Variants in SLC8A3 observed in about 807,000 individuals in gnomAD.
SLC8A3 encodes the protein sodium/calcium exchanger 3.
Under a neutral mutation model 65.4 loss-of-function variants are expected in SLC8A3, and 37 were observed. That is an observed-to-expected ratio of 0.57 (90% CI 0.44 to 0.74). SLC8A3 has a LOEUF of 0.74. Among genes scored for constraint, SLC8A3 ranks in the 30% least tolerant of loss-of-function variants. The pLI is 0.00. For missense variants in SLC8A3, 1,112 were observed against 1,172.1 expected (o/e 0.95, Z 0.75); for synonymous variants, 461 against 444.5 (o/e 1.04, Z -0.47).
At chr14:70,095,471 C>T (rs959038836) in intron 2 of SLC8A3, among the ~76,000 whole-genome samples, 5 of 152,256 alleles carry the variant, frequency 3.3e-5, no homozygotes, top group Admixed American at 6.5e-5. Context: ...CTTACTTATG[C>T]TTTGAGCTGT....
In SLC8A3 at chr14:70,050,992, C is replaced by T. The variant is rs757495643; in HGVS notation, c.2113+16G>A. 2.5e-6 allele frequency: 4 copies of T among 1,571,450 alleles called. No homozygotes were observed. Among genetic ancestry groups the T allele is most frequent in the East Asian group, 4.5e-5 (2 of 44,640 alleles). On this transcript the variant is annotated intron_variant, in intron 5 of 6. Transcript: ENST00000356921. ...GCCTGCTTCTCCCAGCAAGGCCAGC[C>T]TGAGACACTTCTCACCTGCACTGAC... is the stretch of plus-strand genomic sequence containing the variant.
chr14:70,118,613 C>T (rs1163000391), intron 2 of SLC8A3, among the ~76,000 whole-genome samples: 1 of 152,240 alleles, frequency 6.6e-6, no homozygotes, highest in Non-Finnish European at 1.5e-5. Context: ...TAGATCTCCA[C>T]ATAAAATGAG....
At chr14:70,083,030 C>A (rs1891169310) in intron 2 of SLC8A3, among the ~76,000 whole-genome samples, 1 of 152,128 alleles carries the variant, frequency 6.6e-6, no homozygotes, top group South Asian at 2.1e-4. Flanking sequence ...TCACACCTCA[C>A]AATCTGAGCT....
chr14:70,159,450 T>A (rs1039217902), intron 2 of SLC8A3, among the ~76,000 whole-genome samples: 3 of 147,646 alleles, frequency 2.0e-5, no homozygotes, highest in African/African-American at 7.5e-5. Context: ...CACAAAACAC[T>A]AAGGAAACAT....
chr14:70,123,833 T>G (rs1894248598), intron 2 of SLC8A3, among the ~76,000 whole-genome samples: 1 of 149,298 alleles, frequency 6.7e-6, no homozygotes, highest in Non-Finnish European at 1.5e-5. Context: ...ATGACCTCCA[T>G]TTTTTCTGAC....
chr14:70,165,241 G>C (rs542178473), intron 2 of SLC8A3, among the ~76,000 whole-genome samples: 84 of 152,330 alleles, frequency 5.5e-4, no homozygotes, highest in African/African-American at 2.0e-3. Flanking sequence ...AGAAGGGATT[G>C]AGTAAGAACA....
chr14:70,174,657 T>TTTTG (rs1162637320), intron 1 of SLC8A3, among the ~76,000 whole-genome samples: 36 of 51,500 alleles, frequency 7.0e-4, no homozygotes, highest in African/African-American at 2.6e-3. Flanking sequence ...ATCCGTTTTT[T>TTTTG]TTTTGTTTTT....
At chr14:70,104,867 G>T (rs1262337390) in intron 2 of SLC8A3, among the ~76,000 whole-genome samples, 1 of 151,632 alleles carries the variant, frequency 6.6e-6, no homozygotes, top group Non-Finnish European at 1.5e-5. Flanking sequence ...CAAAATCAAT[G>T]ATCTCAGCTT....
At position 70,166,750 on chromosome 14, in the gene SLC8A3, G is replaced by A. The variant is rs1897184615; in HGVS notation, c.1673C>T (p.Ala558Val). ...AAAGGGGACGATGACTGTACCCCGGGCACCTGATGTCCGCAGAACCTTGAC... is the reference window on the plus strand; with the variant it reads ...AAAGGGGACGATGACTGTACCCCGGACACCTGATGTCCGCAGAACCTTGAC... ...MEVKVLRTSG[A>V]RGTVIVPFRT... The change falls in exon 2 of 7, where the codon GCC becomes GTC. Residue 558 changes from alanine to valine, a missense_variant. Physicochemically the swap from Ala to Val is moderately conservative, Grantham distance 64 (BLOSUM62 0). Coordinates refer to ENST00000356921, the MANE Select transcript of SLC8A3 (RefSeq NM_182932.3). The A allele has an allele frequency of 6.2e-7, 1 of 1,613,748 alleles. No individual in the cohort carries two copies. The highest frequency in any genetic ancestry group is 1.7e-5 in the Admixed American group (1 of 60,022).
intron 2 of SLC8A3, among the ~76,000 whole-genome samples, chr14:70,067,992 G>C (rs1465397410): frequency 6.6e-6 from 1 of 152,232 alleles, no homozygotes; most frequent in Non-Finnish European, 1.5e-5. Context: ...TGCCAAGGGA[G>C]GTGCCAATGC....
intron 1 of SLC8A3, among the ~76,000 whole-genome samples, chr14:70,174,322 C>A (rs1321548023): frequency 6.6e-6 from 1 of 152,198 alleles, no homozygotes; most frequent in Non-Finnish European, 1.5e-5. Flanking sequence ...TCCAGCCTCG[C>A]CTCAATGAGG....
At chr14:70,173,568 TC>T (rs1897681244) in intron 1 of SLC8A3, among the ~76,000 whole-genome samples, 1 of 152,172 alleles carries the variant, frequency 6.6e-6, no homozygotes, top group Non-Finnish European at 1.5e-5. Flanking sequence ...AAATTCTCCC[TC>T]CTGCTATGCC....
intron 1 of SLC8A3, among the ~76,000 whole-genome samples, chr14:70,184,533 T>C (rs1009148485): frequency 1.3e-5 from 2 of 152,180 alleles, no homozygotes; most frequent in African/African-American, 4.8e-5. Context: ...CTTTACTTCC[T>C]CTCCTCTTTT....
intron 2 of SLC8A3, among the ~76,000 whole-genome samples, chr14:70,098,308 A>T (rs4988790): frequency 7.2e-3 from 10 of 1,380 alleles, no homozygotes; most frequent in African/African-American, 0.016. Flanking sequence ...ACTTTTTTTT[A>T]AAAAAAACCC....
At chr14:70,064,214 C>A (rs1889150070) in intron 2 of SLC8A3, among the ~76,000 whole-genome samples, 1 of 152,164 alleles carries the variant, frequency 6.6e-6, no homozygotes, top group Non-Finnish European at 1.5e-5. Flanking sequence ...CCTGGATAGG[C>A]TGTGTAATCT....
At chr14:70,118,234 G>A (rs919247316) in intron 2 of SLC8A3, among the ~76,000 whole-genome samples, 1 of 152,232 alleles carries the variant, frequency 6.6e-6, no homozygotes, top group Non-Finnish European at 1.5e-5. Context: ...AAAAATGCCA[G>A]TGTTACTTAT....
At chr14:70,122,203 C>A (rs762096968) in intron 2 of SLC8A3, among the ~76,000 whole-genome samples, 15 of 152,252 alleles carry the variant, frequency 9.9e-5, no homozygotes, top group Middle Eastern at 3.4e-3. Flanking sequence ...TTCTGTGTGA[C>A]CTTAGAATCG....
chr14:70,145,435 G>A (rs1263105965), intron 2 of SLC8A3, among the ~76,000 whole-genome samples: 1 of 152,186 alleles, frequency 6.6e-6, no homozygotes, highest in Non-Finnish European at 1.5e-5. Context: ...ACCCACAGTG[G>A]CAACTAAGTG....
At chr14:70,048,282 A>G in intron 6 of SLC8A3, 1 of 261,970 alleles carries the variant, frequency 3.8e-6, no homozygotes, top group Non-Finnish European at 7.2e-6. Context: ...TTCTCCTTTG[A>G]TATCTTTGAG....
Sources: allele counts gnomAD v4.1 joint callset (sites outside exome capture counted in the v4.1 genomes callset), GRCh38; gene constraint gnomAD v4.1.1; transcripts MANE v1.5; gene names NCBI Gene and HGNC (gene_info 2026-07-23, HGNC 2026-07-21).